CACNA2D3: variants seen among roughly 807,000 people sequenced by gnomAD.
The protein encoded by CACNA2D3 is calcium voltage-gated channel auxiliary subunit alpha2delta 3, also known as voltage-dependent calcium channel subunit alpha-2/delta-3.
In CACNA2D3, 60 loss-of-function variants were observed where a neutral mutation model predicts 160.6. The observed-to-expected ratio is 0.37, with a 90% confidence interval of 0.30 to 0.46. CACNA2D3 has a LOEUF of 0.46. CACNA2D3 is among the 20% of genes least tolerant of loss of function. The probability of loss-of-function intolerance (pLI) is 1.00; values close to 1 mark genes in which losing one functional copy is unlikely to be tolerated. For missense variants in CACNA2D3, 1,205 were observed against 1,365.0 expected, an observed-to-expected ratio of 0.88 and a Z score of 1.85; for synonymous variants, 558 against 492.9, an observed-to-expected ratio of 1.13 and a Z score of -1.75.
rs375162126 is a variant in CACNA2D3 at position 54,592,453 on chromosome 3, C to T, written c.963+10576C>T. ...GCTGTTTTATGTTCCAAATAACTGA[C>T]TTCTTTTTTCCTTTAAGGAAAAAGA... On this transcript the variant is annotated intron_variant, in intron 9 of 37. Coordinates refer to ENST00000474759, the MANE Select transcript of CACNA2D3 (RefSeq NM_018398.3). Among the ~76,000 whole-genome samples the T allele has an allele frequency of 9.5e-4, 144 of 152,272 alleles. 4 individuals carry two copies. In the South Asian group the frequency reaches 0.029, roughly 30 times the overall value.
chr3:54,257,163 TC>T (rs1252144413), intron 2 of CACNA2D3, among the ~76,000 whole-genome samples: 1 of 152,222 alleles, frequency 6.6e-6, no homozygotes, highest in Non-Finnish European at 1.5e-5. Context: ...GAGAATTGAT[TC>T]CAATCTGAAG....
At chr3:55,054,396 A>G (rs1331902430) in intron 35 of CACNA2D3, among the ~76,000 whole-genome samples, 1 of 151,744 alleles carries the variant, frequency 6.6e-6, no homozygotes, top group Non-Finnish European at 1.5e-5. Context: ...AGGTATACTG[A>G]TCCTATCTTC....
chr3:54,136,261 C>G (rs1016090827), intron 2 of CACNA2D3, among the ~76,000 whole-genome samples: 1 of 152,198 alleles, frequency 6.6e-6, no homozygotes, highest in African/African-American at 2.4e-5. Flanking sequence ...TGATAGGAGA[C>G]AGAACAATTA....
At chr3:54,211,957 T>TTAGCTAGTAAGACTGCA (rs372326276) in intron 2 of CACNA2D3, among the ~76,000 whole-genome samples, 85 of 152,268 alleles carry the variant, frequency 5.6e-4, no homozygotes, top group African/African-American at 1.9e-3. Context: ...ATGAGTTTAT[T>TTAGCTAGTAAGACTGCA]TAGCTAGTAA....
intron 35 of CACNA2D3, among the ~76,000 whole-genome samples, chr3:55,039,691 G>A (rs1703917095): frequency 6.6e-6 from 1 of 152,132 alleles, no homozygotes; most frequent in South Asian, 2.1e-4. Flanking sequence ...CCTCAAATCT[G>A]GAATCAGCCA....
At chr3:54,521,719 ATG>A (rs565241665) in intron 5 of CACNA2D3, among the ~76,000 whole-genome samples, 102 of 152,100 alleles carry the variant, frequency 6.7e-4, no homozygotes, top group Non-Finnish European at 1.1e-3. Flanking sequence ...AGTTTTTTGT[ATG>A]AGTTCTATTT....
intron 16 of CACNA2D3, among the ~76,000 whole-genome samples, chr3:54,840,513 C>T (rs1228402236): frequency 2.1e-5 from 3 of 145,830 alleles, no homozygotes; most frequent in African/African-American, 5.1e-5. Context: ...TGGGTTCAAG[C>T]GGTTCTCCTG....
At chr3:54,561,568 TTC>T (rs1282291911) in intron 5 of CACNA2D3, among the ~76,000 whole-genome samples, 2 of 152,240 alleles carry the variant, frequency 1.3e-5, no homozygotes, top group African/African-American at 4.8e-5. Context: ...TGCCCTTTAT[TTC>T]TTTCTCTTGC....
At chr3:54,896,163 C>T (rs1700182938) in intron 25 of CACNA2D3, among the ~76,000 whole-genome samples, 1 of 152,138 alleles carries the variant, frequency 6.6e-6, no homozygotes, top group Non-Finnish European at 1.5e-5. Flanking sequence ...GCTCTCTGCG[C>T]AGAAGGCAGG....
At chr3:54,755,128 G>A (rs550829025) in intron 12 of CACNA2D3, among the ~76,000 whole-genome samples, 52 of 152,236 alleles carry the variant, frequency 3.4e-4, no homozygotes, top group Non-Finnish European at 1.5e-4. Flanking sequence ...GCACAATATC[G>A]GAAAGGAGTA....
intron 13 of CACNA2D3, among the ~76,000 whole-genome samples, chr3:54,806,084 A>T (rs1703113789): frequency 6.6e-6 from 1 of 152,216 alleles, no homozygotes; most frequent in Non-Finnish European, 1.5e-5. Flanking sequence ...TGACAAACCC[A>T]CAGCCAATAT....
At chr3:54,719,667 T>C (rs916100932) in intron 11 of CACNA2D3, among the ~76,000 whole-genome samples, 17 of 152,070 alleles carry the variant, frequency 1.1e-4, no homozygotes, top group African/African-American at 4.1e-4. Context: ...TCAAAATGAG[T>C]TGGGCAGAGT....
chr3:54,272,984 C>T (rs1379646598), intron 2 of CACNA2D3: 1 of 152,260 alleles, frequency 6.6e-6, no homozygotes, highest in African/African-American at 2.4e-5. Flanking sequence ...TGCCTTGGAC[C>T]CCCTTGTTCT....
chr3:54,464,918 C>T (rs1024172881), intron 4 of CACNA2D3, among the ~76,000 whole-genome samples: 5 of 152,148 alleles, frequency 3.3e-5, no homozygotes, highest in African/African-American at 1.2e-4. Flanking sequence ...GCCATCTTCT[C>T]CTTAAATACA....
intron 35 of CACNA2D3, among the ~76,000 whole-genome samples, chr3:55,061,701 A>T (rs1288082472): frequency 6.6e-6 from 1 of 152,140 alleles, no homozygotes; most frequent in Admixed American, 6.5e-5. Context: ...GTTTGTTTTC[A>T]TATGTTTGGA....
In CACNA2D3 at chr3:54,205,777, G is replaced by A. The variant is rs143295699; in HGVS notation, c.204+82183G>A. ...GAGTCGGGGAGGAAGGCACAGAAAG[G>A]GAGGTAAGAAAGGGTTGCGGTGGAG... On this transcript the variant is annotated intron_variant, in intron 2 of 37. Coordinates refer to ENST00000474759, the MANE Select transcript of CACNA2D3 (RefSeq NM_018398.3). 1.8e-4 allele frequency among the ~76,000 whole-genome samples: 27 copies of A among 152,284 alleles called. No homozygotes were observed. The East Asian group carries it at 5.2e-3, about 29-fold the overall frequency.
Position 54,554,001 on chromosome 3 carries a change from C to T in CACNA2D3, c.545-8799C>T, listed in dbSNP as rs566561814. The stretch of plus-strand genomic sequence containing the variant: ...TGCCTATCTGCTAAAATCCTTGCCA[C>T]GACCTCCCCACCTCTCCAGCCTCAT... On this transcript the variant is annotated intron_variant, in intron 5 of 37. Coordinates refer to ENST00000474759, the MANE Select transcript of CACNA2D3 (RefSeq NM_018398.3). Among the ~76,000 whole-genome samples, 10 of 152,312 alleles carry T rather than the reference C, an allele frequency of 6.6e-5. No homozygotes were observed. The South Asian group carries it at 1.0e-3, about 16-fold the overall frequency.
intron 2 of CACNA2D3, among the ~76,000 whole-genome samples, chr3:54,191,285 T>G (rs140221805): frequency 2.2e-4 from 34 of 152,268 alleles, no homozygotes; most frequent in African/African-American, 7.9e-4. Context: ...ACATGTAATC[T>G]TCAGTGGTTT....
intron 8 of CACNA2D3, among the ~76,000 whole-genome samples, chr3:54,581,391 G>A (rs1160981025): frequency 6.6e-6 from 1 of 152,148 alleles, no homozygotes; most frequent in Non-Finnish European, 1.5e-5. Context: ...AGCCACACAT[G>A]TGTCCCTTGG....
Sources: allele counts gnomAD v4.1 joint callset (sites outside exome capture counted in the v4.1 genomes callset), GRCh38; gene constraint gnomAD v4.1.1; transcripts MANE v1.5; gene names NCBI Gene and HGNC (gene_info 2026-07-23, HGNC 2026-07-21).